The following MYO1D variants were observed in gnomAD, a reference collection of about 807,000 sequenced individuals.
MYO1D encodes unconventional myosin-Id.
Under a neutral mutation model 122.0 loss-of-function variants are expected in MYO1D, and 83 were observed. The observed-to-expected ratio is 0.68, with a 90% CI of 0.57 to 0.82. The LOEUF (loss-of-function observed/expected upper bound fraction) is 0.82, where lower values mean the gene tolerates loss of function less well. Among genes scored for constraint, MYO1D ranks in the 40% least tolerant of loss-of-function variants. The pLI is 0.00. For missense variants in MYO1D, 1,157 were observed against 1,269.5 expected, an observed-to-expected ratio of 0.91 and a Z score of 1.35; for synonymous variants, 464 against 446.9, an observed-to-expected ratio of 1.04 and a Z score of -0.48.
chr17:32,838,691 A>G (rs996737574), intron 1 of MYO1D, among the ~76,000 whole-genome samples: 2 of 152,220 alleles, frequency 1.3e-5, no homozygotes, highest in African/African-American at 4.8e-5. Context: ...CATCGGGGGC[A>G]AAGTGTTCAG....
intron 16 of MYO1D, among the ~76,000 whole-genome samples, chr17:32,663,022 A>G (rs1299261891): frequency 6.7e-6 from 1 of 148,564 alleles, no homozygotes; most frequent in Non-Finnish European, 1.5e-5. Context: ...GGTTCACGCC[A>G]TTCTCCTGCC....
chr17:32,866,903 T>C (rs1025457214), intron 1 of MYO1D, among the ~76,000 whole-genome samples: 3 of 152,256 alleles, frequency 2.0e-5, no homozygotes, highest in Non-Finnish European at 4.4e-5. Context: ...GCTGACATTC[T>C]ACCTCTTCCA....
chr17:32,541,618 A>C (rs576374713), intron 21 of MYO1D, among the ~76,000 whole-genome samples: 11 of 152,220 alleles, frequency 7.2e-5, no homozygotes, highest in Non-Finnish European at 1.3e-4. Context: ...AGTTAGCTAG[A>C]AAGTATCTAG....
chr17:32,825,754 A>G (rs2090716561), intron 1 of MYO1D, among the ~76,000 whole-genome samples: 1 of 152,208 alleles, frequency 6.6e-6, no homozygotes, highest in Non-Finnish European at 1.5e-5. Context: ...AATGTTTACC[A>G]TAGCCAGGTG....
chr17:32,674,876 G>A (rs759665108), intron 16 of MYO1D, among the ~76,000 whole-genome samples: 2 of 152,170 alleles, frequency 1.3e-5, no homozygotes, highest in Admixed American at 6.5e-5. Flanking sequence ...TTCCTCAAAG[G>A]GGATTTTAGA....
At chr17:32,613,863 G>A (rs2087737008) in intron 20 of MYO1D, among the ~76,000 whole-genome samples, 1 of 138,144 alleles carries the variant, frequency 7.2e-6, no homozygotes, top group Admixed American at 7.4e-5. Context: ...TCACATTTAT[G>A]TATTATCCGT....
chr17:32,713,147 T>A (rs2089399952), intron 15 of MYO1D, among the ~76,000 whole-genome samples: 1 of 152,192 alleles, frequency 6.6e-6, no homozygotes, highest in Admixed American at 6.5e-5. Flanking sequence ...GAGTAATGCA[T>A]TTATGTTTTC....
At chr17:32,748,154 T>C (rs1041462909) in intron 12 of MYO1D, among the ~76,000 whole-genome samples, 2 of 152,252 alleles carry the variant, frequency 1.3e-5, no homozygotes, top group Non-Finnish European at 2.9e-5. Context: ...TTTTTAGTTA[T>C]ACTTTCTGAT....
At chr17:32,736,802 G>T (rs1421467363) in intron 14 of MYO1D, among the ~76,000 whole-genome samples, 1 of 152,202 alleles carries the variant, frequency 6.6e-6, no homozygotes, top group Non-Finnish European at 1.5e-5. Context: ...CTTGTGTCCT[G>T]TGTCTTCCTT....
At chr17:32,585,719 C>G (rs1330758292) in intron 21 of MYO1D, among the ~76,000 whole-genome samples, 2 of 125,924 alleles carry the variant, frequency 1.6e-5, no homozygotes, top group African/African-American at 6.1e-5. Flanking sequence ...GTCTGGGCAA[C>G]AGAGCAAGAA....
chr17:32,804,990 T>G (rs939743819), intron 1 of MYO1D, among the ~76,000 whole-genome samples: 4 of 152,170 alleles, frequency 2.6e-5, no homozygotes, highest in African/African-American at 4.8e-5. Context: ...TTATACAAAC[T>G]CTTAACTCAA....
intron 20 of MYO1D, among the ~76,000 whole-genome samples, chr17:32,620,894 G>A (rs1304435222): frequency 6.6e-6 from 1 of 152,148 alleles, no homozygotes; most frequent in Non-Finnish European, 1.5e-5. Flanking sequence ...ACATACACAA[G>A]TATTTGCATA....
At chr17:32,847,045 TCTC>T (rs1341315344) in intron 1 of MYO1D, among the ~76,000 whole-genome samples, 2 of 152,080 alleles carry the variant, frequency 1.3e-5, no homozygotes, top group East Asian at 1.9e-4. Context: ...ATAGCACAAT[TCTC>T]CTCTTTATAG....
chr17:32,733,204 G>A (rs1377969366), intron 14 of MYO1D, among the ~76,000 whole-genome samples: 1 of 152,240 alleles, frequency 6.6e-6, no homozygotes, highest in East Asian at 1.9e-4. Context: ...TGGCAGGCTT[G>A]AGCAAAACTC....
intron 20 of MYO1D, among the ~76,000 whole-genome samples, chr17:32,637,628 G>A (rs1336592281): frequency 6.6e-6 from 1 of 152,138 alleles, no homozygotes; most frequent in Non-Finnish European, 1.5e-5. Context: ...CTGATATCGT[G>A]CCACTGCACT....
chr17:32,746,542 A>C (rs1202337338), intron 12 of MYO1D, among the ~76,000 whole-genome samples: 3 of 152,186 alleles, frequency 2.0e-5, no homozygotes, highest in Non-Finnish European at 4.4e-5. Context: ...CTGTTATTGT[A>C]TACATGTATA....
intron 21 of MYO1D, chr17:32,497,817 G>A (rs1417018527): frequency 6.6e-6 from 1 of 152,390 alleles, no homozygotes; most frequent in African/African-American, 2.4e-5. Flanking sequence ...GCAGAAGTTG[G>A]ACACTGGATC....
chr17:32,867,391 A>G (rs1386159288), intron 1 of MYO1D, among the ~76,000 whole-genome samples: 1 of 151,792 alleles, frequency 6.6e-6, no homozygotes, highest in African/African-American at 2.4e-5. Flanking sequence ...CTTTATATTG[A>G]TCCATTTATT....
intron 12 of MYO1D, among the ~76,000 whole-genome samples, chr17:32,748,652 C>T (rs1048738709): frequency 8.5e-5 from 13 of 152,174 alleles, no homozygotes; most frequent in Non-Finnish European, 1.5e-4. Context: ...TCTTAATATA[C>T]TTCCATGATT....
Sources: gnomAD v4.1 joint callset for allele counts (sites outside exome capture counted in the v4.1 genomes callset) on GRCh38, gnomAD v4.1.1 for gene constraint, MANE v1.5 for transcripts, NCBI Gene and HGNC (gene_info 2026-07-23, HGNC 2026-07-21) for gene names.